SEMA6D: variants seen among roughly 807,000 people sequenced by gnomAD.
The protein encoded by SEMA6D is semaphorin-6D.
SEMA6D carries 35 observed loss-of-function variants against 106.6 expected under a neutral mutation model. The observed-to-expected ratio is 0.33, with a 90% CI of 0.25 to 0.44. The LOEUF is 0.44. Among genes scored for constraint, SEMA6D ranks in the 20% least tolerant of loss-of-function variants. The pLI is 1.00. For synonymous variants in SEMA6D, 499 were observed against 487.7 expected (o/e 1.02, Z -0.31); for missense variants, 1,185 against 1,345.9 (o/e 0.88, Z 1.87).
At chr15:47,371,708 T>TA (rs1182560353) in intron 1 of SEMA6D, among the ~76,000 whole-genome samples, 2 of 152,140 alleles carry the variant, frequency 1.3e-5, no homozygotes, top group Non-Finnish European at 1.5e-5. Context: ...TGTGAGCCAT[T>TA]AAAAAAAATC....
At chr15:47,642,361 A>G (rs1441032450) in intron 4 of SEMA6D, among the ~76,000 whole-genome samples, 1 of 151,842 alleles carries the variant, frequency 6.6e-6, no homozygotes, top group Non-Finnish European at 1.5e-5. Flanking sequence ...GGTGAAGATC[A>G]TTCAGACTCT....
intron 1 of SEMA6D, among the ~76,000 whole-genome samples, chr15:47,218,303 C>G (rs2030859049): frequency 6.6e-6 from 1 of 152,110 alleles, no homozygotes; most frequent in African/African-American, 2.4e-5. Flanking sequence ...CACAACACCT[C>G]TTCTCCTGGT....
intron 4 of SEMA6D, among the ~76,000 whole-genome samples, chr15:47,608,220 T>C (rs1347905881): frequency 1.3e-5 from 2 of 152,188 alleles, no homozygotes; most frequent in Admixed American, 1.3e-4. Context: ...TTAAAAGACA[T>C]AAAAATATTT....
At chr15:47,651,296 T>A (rs1340694015) in intron 4 of SEMA6D, among the ~76,000 whole-genome samples, 1 of 151,970 alleles carries the variant, frequency 6.6e-6, no homozygotes, top group African/African-American at 2.4e-5. Flanking sequence ...CCCTGCTACT[T>A]AGGAGGCTGA....
intron 1 of SEMA6D, among the ~76,000 whole-genome samples, chr15:47,755,349 T>C (rs1021576727): frequency 2.0e-5 from 3 of 152,196 alleles, no homozygotes; most frequent in Admixed American, 6.5e-5. Flanking sequence ...ACAGTTATTT[T>C]CAAAACATAT....
chr15:47,534,708 A>T (rs1174199417), intron 3 of SEMA6D, among the ~76,000 whole-genome samples: 1 of 152,098 alleles, frequency 6.6e-6, no homozygotes, highest in Non-Finnish European at 1.5e-5. Flanking sequence ...TTCTTGAAGA[A>T]GTTTCCTACA....
intron 1 of SEMA6D, chr15:47,718,938 T>TA (rs1204232519): frequency 6.6e-6 from 1 of 152,198 alleles, no homozygotes; most frequent in Non-Finnish European, 1.5e-5. Flanking sequence ...CAGAAACTGA[T>TA]ACAGTAGCCT....
intron 1 of SEMA6D, among the ~76,000 whole-genome samples, chr15:47,308,250 G>T (rs967980513): frequency 2.6e-5 from 4 of 152,026 alleles, no homozygotes; most frequent in African/African-American, 9.7e-5. Flanking sequence ...CTGCCACATA[G>T]TTGCCACATG....
intron 3 of SEMA6D, among the ~76,000 whole-genome samples, chr15:47,471,904 TTC>T (rs375802887): frequency 0.047 from 5,816 of 123,332 alleles, 171 homozygotes; most frequent in African/African-American, 0.095. Context: ...GCTGTGCTCT[TTC>T]TCTCTCTCTC....
intron 1 of SEMA6D, among the ~76,000 whole-genome samples, chr15:47,400,237 C>G (rs1317493626): frequency 6.6e-6 from 1 of 152,254 alleles, no homozygotes; most frequent in East Asian, 1.9e-4. Context: ...TGCCTGTAAT[C>G]CCAGCACTTT....
intron 1 of SEMA6D, among the ~76,000 whole-genome samples, chr15:47,289,934 C>A (rs956332534): frequency 6.6e-6 from 1 of 151,686 alleles, no homozygotes; most frequent in Admixed American, 6.6e-5. Flanking sequence ...CCTGGGAGGA[C>A]TGAAATAATT....
intron 3 of SEMA6D, among the ~76,000 whole-genome samples, chr15:47,471,106 G>C (rs2042822285): frequency 6.6e-6 from 1 of 152,166 alleles, no homozygotes; most frequent in African/African-American, 2.4e-5. Context: ...GTCTGTGAGT[G>C]GACATGTGGC....
At chr15:47,547,639 C>A (rs1210304818) in intron 3 of SEMA6D, among the ~76,000 whole-genome samples, 1 of 152,074 alleles carries the variant, frequency 6.6e-6, no homozygotes, top group Admixed American at 6.5e-5. Flanking sequence ...TTGTTTCAAT[C>A]ATGTTGTTAT....
At chr15:47,455,082 T>C (rs2042307861) in intron 2 of SEMA6D, among the ~76,000 whole-genome samples, 1 of 151,708 alleles carries the variant, frequency 6.6e-6, no homozygotes, top group South Asian at 2.1e-4. Flanking sequence ...TAGCTATTAT[T>C]ATTATTATTA....
intron 1 of SEMA6D, among the ~76,000 whole-genome samples, chr15:47,281,108 G>A (rs1595622390): frequency 1.3e-5 from 1 of 74,684 alleles, no homozygotes; most frequent in Non-Finnish European, 2.6e-5. Flanking sequence ...TTGTTGATCT[G>A]TCTAATGTTG....
At chr15:47,423,629 G>T (rs1387691450) in intron 2 of SEMA6D, among the ~76,000 whole-genome samples, 1 of 151,400 alleles carries the variant, frequency 6.6e-6, no homozygotes, top group East Asian at 1.9e-4. Flanking sequence ...TTTTCCTCAA[G>T]TGAAAAATTG....
chr15:47,197,502 GT>G (rs1894437756), intron 1 of SEMA6D, among the ~76,000 whole-genome samples: 1 of 147,564 alleles, frequency 6.8e-6, no homozygotes, highest in Non-Finnish European at 1.5e-5. Context: ...ACTTGCAAGT[GT>G]CTTTTTTTTT....
At chr15:47,201,682 C>T (rs1292701742) in intron 1 of SEMA6D, among the ~76,000 whole-genome samples, 5 of 152,088 alleles carry the variant, frequency 3.3e-5, no homozygotes, top group Non-Finnish European at 7.4e-5. Context: ...AATGTTTAAC[C>T]ATACCTTTTA....
chr15:47,606,907 A>T (rs1283684947), intron 4 of SEMA6D, among the ~76,000 whole-genome samples: 1 of 152,164 alleles, frequency 6.6e-6, no homozygotes, highest in African/African-American at 2.4e-5. Flanking sequence ...GGCAATGGAG[A>T]GATGCCTGGC....
Sources: allele counts gnomAD v4.1 joint callset (sites outside exome capture counted in the v4.1 genomes callset), GRCh38; gene constraint gnomAD v4.1.1; transcripts MANE v1.5; gene names NCBI Gene and HGNC (gene_info 2026-07-23, HGNC 2026-07-21).